USP12: variants seen among roughly 807,000 people sequenced by gnomAD.
USP12 encodes the protein ubiquitin specific peptidase 12.
USP12 carries 19 observed loss-of-function variants against 45.5 expected under a neutral mutation model. That is an observed-to-expected ratio of 0.42 (90% CI 0.29 to 0.61). The LOEUF (loss-of-function observed/expected upper bound fraction) is 0.61. Ranked by LOEUF, USP12 falls within the 20% of genes least tolerant of loss-of-function variation. The pLI is 0.22. For missense variants in USP12, 242 were observed against 447.7 expected (o/e 0.54, Z 4.15); for synonymous variants, 149 against 148.8 (o/e 1.00, Z -0.01).
intron 1 of USP12, among the ~76,000 whole-genome samples, chr13:27,125,395 C>T (rs752244427): frequency 2.0e-5 from 3 of 152,128 alleles, no homozygotes; most frequent in Non-Finnish European, 1.5e-5. Context: ...TATGTCACAA[C>T]ACAGGATGTA....
At chr13:27,128,236 G>C (rs2137808171) in intron 1 of USP12, among the ~76,000 whole-genome samples, 1 of 152,320 alleles carries the variant, frequency 6.6e-6, no homozygotes, top group East Asian at 1.9e-4. Flanking sequence ...ATGAGCTAAT[G>C]AAAGAAATCT....
At chr13:27,131,261 C>G (rs1593199792) in intron 1 of USP12, among the ~76,000 whole-genome samples, 2 of 152,178 alleles carry the variant, frequency 1.3e-5, no homozygotes, top group African/African-American at 4.8e-5. Context: ...GTGAAACCCT[C>G]CTGGTGAGAG....
intron 1 of USP12, among the ~76,000 whole-genome samples, chr13:27,165,573 A>T (rs1381158673): frequency 6.6e-6 from 1 of 152,204 alleles, no homozygotes; most frequent in Non-Finnish European, 1.5e-5. Flanking sequence ...TATGAACTAG[A>T]TGTTATTTTA....
At chr13:27,155,319 G>C (rs1343827140) in intron 1 of USP12, among the ~76,000 whole-genome samples, 1 of 151,848 alleles carries the variant, frequency 6.6e-6, no homozygotes, top group African/African-American at 2.4e-5. Context: ...CTGACCTCGT[G>C]ATCTGCCCGC....
chr13:27,101,909 CTGCTTGTCCATGCAGG>C (rs1339728971), intron 3 of USP12, among the ~76,000 whole-genome samples: 1 of 152,178 alleles, frequency 6.6e-6, no homozygotes, highest in Non-Finnish European at 1.5e-5. Context: ...ACATGAAACG[CTGCTTGTCCATGCAGG>C]TTCCTTAAGA....
chr13:27,093,568 T>C (rs546586950), intron 4 of USP12, among the ~76,000 whole-genome samples: 1 of 152,316 alleles, frequency 6.6e-6, no homozygotes, highest in South Asian at 2.1e-4. Context: ...CATTCACTGC[T>C]GGTAAGAAGG....
chr13:27,069,699 G>C lies in USP12; in HGVS notation c.1012-315C>G, dbSNP rs1324928810. Among the ~76,000 whole-genome samples, 3 of 152,210 alleles carry C rather than the reference G, an allele frequency of 2.0e-5. No homozygotes were observed. In the South Asian group the frequency reaches 6.2e-4, roughly 32 times the overall value. On this transcript the variant is annotated intron_variant, in intron 8 of 8. Coordinates refer to ENST00000282344, the MANE Select transcript of USP12 (RefSeq NM_182488.4). ...ACACTGACTCACGCCTGTAATCCCA[G>C]TACTGTGGGAGGCCAAGGCGGGCAG...
chr13:27,078,915 C>G (rs1478321400), intron 6 of USP12, among the ~76,000 whole-genome samples: 1 of 151,902 alleles, frequency 6.6e-6, no homozygotes, highest in Non-Finnish European at 1.5e-5. Context: ...TCAAGTTCAA[C>G]CGAAACATTC....
intron 6 of USP12, among the ~76,000 whole-genome samples, chr13:27,080,260 G>A (rs1208663348): frequency 6.6e-6 from 1 of 152,206 alleles, no homozygotes; most frequent in Non-Finnish European, 1.5e-5. Flanking sequence ...GGTTGCAGAT[G>A]CTGACTACAG....
chr13:27,156,896 T>G (rs577138164), intron 1 of USP12, among the ~76,000 whole-genome samples: 1 of 152,188 alleles, frequency 6.6e-6, no homozygotes, highest in South Asian at 2.1e-4. Flanking sequence ...TACACCTACA[T>G]TAGTAACAGC....
intron 6 of USP12, among the ~76,000 whole-genome samples, chr13:27,079,573 G>C (rs1297582063): frequency 6.6e-6 from 1 of 152,122 alleles, no homozygotes. Context: ...CTACCCAGCC[G>C]CAGGCAAGCA....
chr13:27,081,745 G>T (rs1308339424), intron 6 of USP12, among the ~76,000 whole-genome samples: 1 of 152,196 alleles, frequency 6.6e-6, no homozygotes, highest in East Asian at 1.9e-4. Flanking sequence ...ATAACTCATT[G>T]ATTCATGGGC....
intron 2 of USP12, among the ~76,000 whole-genome samples, chr13:27,111,511 G>A (rs920627304): frequency 6.6e-6 from 1 of 152,124 alleles, no homozygotes; most frequent in Non-Finnish European, 1.5e-5. Flanking sequence ...CACCCTACTC[G>A]AGGTCTTATC....
At chr13:27,145,532 A>G (rs1450826766) in intron 1 of USP12, among the ~76,000 whole-genome samples, 8 of 152,222 alleles carry the variant, frequency 5.3e-5, no homozygotes, top group African/African-American at 1.9e-4. Flanking sequence ...ATAATAACCT[A>G]AACTCAAACT....
intron 2 of USP12, among the ~76,000 whole-genome samples, chr13:27,112,345 G>A (rs1875491999): frequency 6.6e-6 from 1 of 150,744 alleles, no homozygotes; most frequent in Admixed American, 6.6e-5. Flanking sequence ...GGGTGCAGTG[G>A]TATGATCATG....
At chr13:27,127,439 G>A (rs545787263) in intron 1 of USP12, among the ~76,000 whole-genome samples, 227 of 152,294 alleles carry the variant, frequency 1.5e-3, no homozygotes, top group African/African-American at 5.2e-3. Context: ...ATGAAATATT[G>A]TACAACCAGT....
intron 1 of USP12, among the ~76,000 whole-genome samples, chr13:27,119,805 A>T (rs1875902073): frequency 6.6e-6 from 1 of 152,252 alleles, no homozygotes; most frequent in Admixed American, 6.5e-5. Flanking sequence ...GTACAAAGAA[A>T]GAAGAGCACT....
At chr13:27,071,850 T>C (rs943901278) in intron 7 of USP12, among the ~76,000 whole-genome samples, 2 of 152,024 alleles carry the variant, frequency 1.3e-5, no homozygotes, top group Admixed American at 1.3e-4. Context: ...ATGACAAAGG[T>C]TTTAACCTCT....
At chr13:27,093,788 G>C (rs1874431102) in intron 4 of USP12, among the ~76,000 whole-genome samples, 1 of 152,210 alleles carries the variant, frequency 6.6e-6, no homozygotes, top group African/African-American at 2.4e-5. Context: ...CCTTCAGTAA[G>C]TGAATGAACT....
Sources: gnomAD v4.1 joint callset for allele counts (sites outside exome capture counted in the v4.1 genomes callset) on GRCh38, gnomAD v4.1.1 for gene constraint, MANE v1.5 for transcripts, NCBI Gene and HGNC (gene_info 2026-07-23, HGNC 2026-07-21) for gene names.